Variants in ST6GALNAC3 observed in about 807,000 individuals in gnomAD.
ST6GALNAC3 encodes the protein alpha-N-acetylgalactosaminide alpha-2,6-sialyltransferase 3.
Under a neutral mutation model 32.7 loss-of-function variants are expected in ST6GALNAC3, and 25 were observed. The ratio of observed to expected loss-of-function variants is 0.76; its 90% CI spans 0.56 to 1.07. The LOEUF (loss-of-function observed/expected upper bound fraction) is 1.07, where lower values mean the gene tolerates loss of function less well. Ranked by LOEUF, ST6GALNAC3 falls within the 50% of genes least tolerant of loss-of-function variation. The pLI is 0.00. For missense variants in ST6GALNAC3, 355 were observed against 382.4 expected (o/e 0.93, Z 0.60); for synonymous variants, 129 against 133.1 (o/e 0.97, Z 0.21).
chr1:76,468,410 C>T (rs918154646), intron 3 of ST6GALNAC3, among the ~76,000 whole-genome samples: 62 of 151,958 alleles, frequency 4.1e-4, no homozygotes, highest in Admixed American at 4.1e-3. Context: ...TTAGGCTTGA[C>T]CTTTGCAAAT....
At chr1:76,621,536 CA>C (rs1211563064) in intron 3 of ST6GALNAC3, among the ~76,000 whole-genome samples, 2 of 152,106 alleles carry the variant, frequency 1.3e-5, no homozygotes, top group Admixed American at 6.6e-5. Context: ...ATACAATGGG[CA>C]AACTTCAGAG....
At chr1:76,167,165 T>C (rs1041498237) in intron 1 of ST6GALNAC3, among the ~76,000 whole-genome samples, 1 of 152,200 alleles carries the variant, frequency 6.6e-6, no homozygotes, top group African/African-American at 2.4e-5. Context: ...TATTTTGAGG[T>C]ATATTCATTT....
intron 3 of ST6GALNAC3, among the ~76,000 whole-genome samples, chr1:76,438,507 A>G (rs1045669723): frequency 3.9e-5 from 6 of 152,222 alleles, no homozygotes; most frequent in South Asian, 2.1e-4. Flanking sequence ...ACATCCTTGT[A>G]TGAGATTCAC....
At chr1:76,440,947 G>A (rs968391359) in intron 3 of ST6GALNAC3, among the ~76,000 whole-genome samples, 2 of 152,022 alleles carry the variant, frequency 1.3e-5, no homozygotes, top group East Asian at 1.9e-4. Context: ...AATTAGCTGG[G>A]CATGGTGGGG....
intron 3 of ST6GALNAC3, among the ~76,000 whole-genome samples, chr1:76,540,366 G>T (rs1029833474): frequency 1.1e-4 from 16 of 152,114 alleles, no homozygotes; most frequent in African/African-American, 3.4e-4. Context: ...GGGAGTGGGG[G>T]GTGAGGTGAG....
At chr1:76,572,146 T>G (rs143986813) in intron 3 of ST6GALNAC3, among the ~76,000 whole-genome samples, 134 of 152,208 alleles carry the variant, frequency 8.8e-4, no homozygotes, top group African/African-American at 2.9e-3. Context: ...ATATTTTATG[T>G]CCAGGCAAAT....
intron 1 of ST6GALNAC3, among the ~76,000 whole-genome samples, chr1:76,191,285 T>TA (rs1451897853): frequency 6.6e-6 from 1 of 151,818 alleles, no homozygotes; most frequent in Non-Finnish European, 1.5e-5. Flanking sequence ...ATCTCACTCT[T>TA]ACGTGGATTC....
intron 3 of ST6GALNAC3, among the ~76,000 whole-genome samples, chr1:76,583,112 C>T (rs920909072): frequency 2.0e-5 from 3 of 152,146 alleles, no homozygotes; most frequent in Admixed American, 6.5e-5. Context: ...ATTTGGGAGA[C>T]TATACCGGAT....
chr1:76,466,226 A>G (rs1318327834), intron 3 of ST6GALNAC3, among the ~76,000 whole-genome samples: 2 of 152,152 alleles, frequency 1.3e-5, no homozygotes, highest in Non-Finnish European at 2.9e-5. Context: ...TCTCAGATAT[A>G]AGGAGATATG....
At chr1:76,179,395 A>G (rs11162094) in intron 1 of ST6GALNAC3, among the ~76,000 whole-genome samples, 30,012 of 151,988 alleles carry the variant, frequency 0.2, 3,094 homozygotes, top group African/African-American at 0.22. Context: ...ATCCCTTAAC[A>G]TATGTAAAGA....
chr1:76,186,660 A>C (rs188474736), intron 1 of ST6GALNAC3, among the ~76,000 whole-genome samples: 1 of 152,244 alleles, frequency 6.6e-6, no homozygotes, highest in East Asian at 1.9e-4. Flanking sequence ...GGAGGGCTGG[A>C]GACTGAGCTG....
At chr1:76,519,036 G>T (rs1028149967) in intron 3 of ST6GALNAC3, among the ~76,000 whole-genome samples, 1 of 152,112 alleles carries the variant, frequency 6.6e-6, no homozygotes, top group East Asian at 1.9e-4. Context: ...ACGAAACTCT[G>T]TCTGGAAAAA....
chr1:76,328,023 T>C (rs561022564), intron 2 of ST6GALNAC3, among the ~76,000 whole-genome samples: 2 of 152,338 alleles, frequency 1.3e-5, no homozygotes, highest in South Asian at 2.1e-4. Context: ...CTTTGGGTTA[T>C]ACAAAATTAT....
chr1:76,281,546 G>A (rs774168316), intron 1 of ST6GALNAC3, among the ~76,000 whole-genome samples: 2 of 152,194 alleles, frequency 1.3e-5, no homozygotes, highest in Admixed American at 6.5e-5. Context: ...CACAGATGGG[G>A]ACTCAAGTGG....
chr1:76,416,282 A>C (rs1654618643), intron 3 of ST6GALNAC3, among the ~76,000 whole-genome samples: 1 of 152,156 alleles, frequency 6.6e-6, no homozygotes, highest in Non-Finnish European at 1.5e-5. Flanking sequence ...CACTGAAGTC[A>C]TGAGGAAATA....
intron 1 of ST6GALNAC3, among the ~76,000 whole-genome samples, chr1:76,251,873 G>C (rs1362795790): frequency 6.6e-6 from 1 of 151,976 alleles, no homozygotes; most frequent in African/African-American, 2.4e-5. Context: ...ACCTTGCTTA[G>C]TGCCTCACTC....
intron 1 of ST6GALNAC3, among the ~76,000 whole-genome samples, chr1:76,217,767 G>A (rs1157953839): frequency 1.3e-5 from 2 of 152,174 alleles, no homozygotes; most frequent in Non-Finnish European, 2.9e-5. Context: ...AACATACGAT[G>A]TTTGGTTTTC....
chr1:76,264,995 A>G (rs896174997), intron 1 of ST6GALNAC3, among the ~76,000 whole-genome samples: 12 of 152,026 alleles, frequency 7.9e-5, no homozygotes. Context: ...GGATTACAAA[A>G]AAGTAAGTTA....
chr1:76,178,366 A>C (rs891988225), intron 1 of ST6GALNAC3, among the ~76,000 whole-genome samples: 2 of 152,244 alleles, frequency 1.3e-5, no homozygotes, highest in African/African-American at 4.8e-5. Context: ...TGGAAGAAAA[A>C]TTAGAAAAAC....
Sources: allele counts gnomAD v4.1 joint callset (sites outside exome capture counted in the v4.1 genomes callset), GRCh38; gene constraint gnomAD v4.1.1; transcripts MANE v1.5; gene names NCBI Gene and HGNC (gene_info 2026-07-23, HGNC 2026-07-21).